The following PDE4D variants were observed in gnomAD, a reference collection of about 807,000 sequenced individuals.
The protein encoded by PDE4D is 3',5'-cyclic-AMP phosphodiesterase 4D.
PDE4D carries 24 observed loss-of-function variants against 87.4 expected under a neutral mutation model. The ratio of observed to expected loss-of-function variants is 0.27; its 90% CI spans 0.20 to 0.39. PDE4D has a LOEUF of 0.39. Ranked by LOEUF, PDE4D falls within the 10% of genes least tolerant of loss-of-function variation. The pLI, the probability that PDE4D is intolerant of heterozygous loss-of-function variation, is 1.00. For synonymous variants in PDE4D, 384 were observed against 383.2 expected (o/e 1.00, Z -0.02); for missense variants, 714 against 1,041.0 (o/e 0.69, Z 4.32).
intron 3 of PDE4D, among the ~76,000 whole-genome samples, chr5:59,946,969 TC>T (rs1386711799): frequency 6.6e-6 from 1 of 152,224 alleles, no homozygotes; most frequent in African/African-American, 2.4e-5. Context: ...TTGCTCTTTC[TC>T]TTACATCCCT....
intron 2 of PDE4D, among the ~76,000 whole-genome samples, chr5:60,109,079 C>CAG (rs1777377754): frequency 2.7e-5 from 4 of 150,746 alleles, no homozygotes; most frequent in Non-Finnish European, 4.5e-5. Context: ...AGGCAACCTA[C>CAG]AACATGGGAG....
chr5:60,198,145 A>G (rs1431049509), intron 1 of PDE4D, among the ~76,000 whole-genome samples: 2 of 151,414 alleles, frequency 1.3e-5, no homozygotes, highest in African/African-American at 2.4e-5. Flanking sequence ...CATAAATTAT[A>G]ATATTTTTCT....
At chr5:59,018,577 G>A (rs545872084) in intron 6 of PDE4D, among the ~76,000 whole-genome samples, 1 of 152,256 alleles carries the variant, frequency 6.6e-6, no homozygotes, top group African/African-American at 2.4e-5. Context: ...GTGATCAACA[G>A]TTAAACATGC....
At chr5:59,297,277 T>A (rs1769279560) in intron 1 of PDE4D, among the ~76,000 whole-genome samples, 1 of 152,178 alleles carries the variant, frequency 6.6e-6, no homozygotes, top group Non-Finnish European at 1.5e-5. Flanking sequence ...AGAAAATGTG[T>A]CCTTCCATGC....
At chr5:60,300,702 A>C (rs941140502) in intron 1 of PDE4D, among the ~76,000 whole-genome samples, 1 of 151,682 alleles carries the variant, frequency 6.6e-6, no homozygotes, top group African/African-American at 2.4e-5. Flanking sequence ...CAAAGATCAG[A>C]TGTTGGAGGT....
At chr5:59,490,347 C>T (rs927528487) in intron 1 of PDE4D, among the ~76,000 whole-genome samples, 4 of 152,144 alleles carry the variant, frequency 2.6e-5, no homozygotes, top group Non-Finnish European at 5.9e-5. Context: ...CAAATAAGTA[C>T]TAAGTAGCTT....
At chr5:60,114,876 ATG>A (rs1005204814) in intron 2 of PDE4D, among the ~76,000 whole-genome samples, 14 of 152,038 alleles carry the variant, frequency 9.2e-5, no homozygotes, top group African/African-American at 2.2e-4. Context: ...GTGTGTATGT[ATG>A]TGTGTGTATA....
intron 1 of PDE4D, among the ~76,000 whole-genome samples, chr5:59,413,589 T>G (rs1221363431): frequency 6.6e-6 from 1 of 152,046 alleles, no homozygotes; most frequent in Non-Finnish European, 1.5e-5. Flanking sequence ...TCCCTGAACC[T>G]GGGTACAATT....
At chr5:59,925,174 C>CAAAAAAA (rs71606612) in intron 3 of PDE4D, among the ~76,000 whole-genome samples, 4 of 101,800 alleles carry the variant, frequency 3.9e-5, no homozygotes, top group Non-Finnish European at 3.6e-5. Flanking sequence ...GACTGCATCT[C>CAAAAAAA]AAAAAAAAAA....
At chr5:59,351,833 G>A (rs1209511665) in intron 1 of PDE4D, among the ~76,000 whole-genome samples, 6 of 152,044 alleles carry the variant, frequency 3.9e-5, no homozygotes, top group Non-Finnish European at 5.9e-5. Context: ...AACAAATTAC[G>A]TGGTGTTCTG....
chr5:59,999,891 A>G (rs1763868385), intron 2 of PDE4D, among the ~76,000 whole-genome samples: 1 of 152,096 alleles, frequency 6.6e-6, no homozygotes, highest in African/African-American at 2.4e-5. Flanking sequence ...ACAAACTTCA[A>G]AAAGAAAACA....
intron 1 of PDE4D, among the ~76,000 whole-genome samples, chr5:59,518,390 A>T (rs1230738034): frequency 1.3e-5 from 2 of 152,136 alleles, no homozygotes; most frequent in African/African-American, 4.8e-5. Context: ...TAGCTGAGTC[A>T]TGATGAATAC....
At chr5:59,635,646 T>C (rs967751239) in intron 1 of PDE4D, among the ~76,000 whole-genome samples, 1 of 152,102 alleles carries the variant, frequency 6.6e-6, no homozygotes, top group African/African-American at 2.4e-5. Context: ...AACCACATGA[T>C]CAACTCAATA....
chr5:59,151,870 C>T (rs1779528958), intron 5 of PDE4D, among the ~76,000 whole-genome samples: 2 of 151,264 alleles, frequency 1.3e-5, no homozygotes, highest in African/African-American at 4.9e-5. Flanking sequence ...GAGATTTAGA[C>T]AAAGAATGGG....
chr5:59,977,304 T>C (rs1344365932), intron 3 of PDE4D, among the ~76,000 whole-genome samples: 2 of 152,196 alleles, frequency 1.3e-5, no homozygotes, highest in Admixed American at 6.6e-5. Context: ...TTATTGATAA[T>C]GTGGAGAAAA....
At chr5:59,285,454 C>T (rs57174088) in intron 1 of PDE4D, among the ~76,000 whole-genome samples, 23 of 151,808 alleles carry the variant, frequency 1.5e-4, no homozygotes, top group African/African-American at 5.6e-4. Flanking sequence ...GCCTCTATCT[C>T]TAAAAGTTAC....
At chr5:59,522,603 G>T (rs779082023) in intron 1 of PDE4D, among the ~76,000 whole-genome samples, 11 of 152,188 alleles carry the variant, frequency 7.2e-5, no homozygotes, top group Non-Finnish European at 1.5e-4. Flanking sequence ...CAAGAGAGCT[G>T]GAAGAATCTT....
At chr5:59,454,295 A>G (rs1331991782) in intron 1 of PDE4D, among the ~76,000 whole-genome samples, 1 of 152,166 alleles carries the variant, frequency 6.6e-6, no homozygotes, top group African/African-American at 2.4e-5. Context: ...CAATTCCCAC[A>G]TGTCGTGGGA....
chr5:60,223,836 A>C (rs1020729568), intron 1 of PDE4D, among the ~76,000 whole-genome samples: 1 of 152,044 alleles, frequency 6.6e-6, no homozygotes, highest in Admixed American at 6.6e-5. Context: ...CTCAAACTCC[A>C]TTTTTTCCTA....
Sources: gnomAD v4.1 joint callset for allele counts (sites outside exome capture counted in the v4.1 genomes callset) on GRCh38, gnomAD v4.1.1 for gene constraint, MANE v1.5 for transcripts, NCBI Gene and HGNC (gene_info 2026-07-23, HGNC 2026-07-21) for gene names.